Variants in UPK3A observed in about 807,000 individuals in gnomAD.
UPK3A encodes the protein uroplakin 3A.
In UPK3A, 32 loss-of-function variants were observed where a neutral mutation model predicts 27.6. That is an observed-to-expected ratio of 1.16 (90% CI 0.87 to 1.55). UPK3A has a LOEUF of 1.55. UPK3A is among the 40% of genes most tolerant of loss of function. UPK3A has a pLI of 0.00. For missense variants in UPK3A, 370 were observed against 367.9 expected (o/e 1.01, Z -0.05); for synonymous variants, 171 against 163.9 (o/e 1.04, Z -0.33).
In UPK3A at chr22:45,285,043, C is replaced by T. The variant is rs1370122817; in HGVS notation, c.30C>T (p.Leu10=). 4 of 1,535,814 alleles carry T rather than the reference C, an allele frequency of 2.6e-6. No individual in the cohort carries two copies. The highest frequency in any genetic ancestry group is 3.5e-6 in the Non-Finnish European group (4 of 1,147,856). The change falls in exon 1 of 6, where the codon CTC becomes CTT. Residue 10 remains leucine, a synonymous_variant. Transcript: ENST00000216211. MPPLWALLA[L]GCLRFGSAVN... ...CTCCGCTCTGGGCCCTGCTGGCCCT[C>T]GGCTGCCTGCGGTTCGGCTCGGGTA...
intron 1 of UPK3A, among the ~76,000 whole-genome samples, chr22:45,285,616 C>T (rs1381596721): frequency 1.2e-5 from 1 of 85,488 alleles, no homozygotes; most frequent in African/African-American, 3.1e-5. Context: ...GGCAGTCAGA[C>T]TTGCATGTGG....
At chr22:45,285,271 A>G (rs1325310636) in intron 1 of UPK3A, among the ~76,000 whole-genome samples, 1 of 152,236 alleles carries the variant, frequency 6.6e-6, no homozygotes, top group Non-Finnish European at 1.5e-5. Flanking sequence ...GTGTGTTGCA[A>G]GAGACCAACA....
At position 45,287,414 on chromosome 22, in the gene UPK3A, C is replaced by A; in HGVS notation, c.451C>A (p.Leu151Ile). The change falls in exon 3 of 6, where the codon CTC (leucine) becomes ATC (isoleucine). Residue 151 changes from leucine to isoleucine, a missense_variant. Leu to Ile is a conservative substitution (Grantham distance 5, BLOSUM62 2). Transcript: ENST00000216211. ...CCTGTGGGATCCCAACTTCCAGGGCCTCTGTAACGCACCCCTGTCGGCAGC... is the reference window on the plus strand; with the variant it reads ...CCTGTGGGATCCCAACTTCCAGGGCATCTGTAACGCACCCCTGTCGGCAGC... ...TCLWDPNFQG[L>I]CNAPLSAATE... 2 of 1,609,862 alleles carry A rather than the reference C, an allele frequency of 1.2e-6. No individual in the cohort carries two copies. Among genetic ancestry groups the A allele is most frequent in the Non-Finnish European group, 1.7e-6 (2 of 1,178,174 alleles).
intron 5 of UPK3A, among the ~76,000 whole-genome samples, chr22:45,294,419 C>CT (rs367678430): frequency 2.0e-5 from 3 of 151,826 alleles, no homozygotes; most frequent in African/African-American, 7.3e-5. Context: ...GTACACCCCC[C>CT]CCGGGAGACC....
chr22:45,285,215 C>A lies in UPK3A; in HGVS notation c.52+150C>A, dbSNP rs1033233918. ...GTGATAGCCAACGTTTACGGGCCTCCTCTGTTGGGAATCCGAGGGCTCACA... is the reference window on the plus strand; with the variant it reads ...GTGATAGCCAACGTTTACGGGCCTCATCTGTTGGGAATCCGAGGGCTCACA... On this transcript the variant is annotated intron_variant, in intron 1 of 5. Transcript: ENST00000216211. 3.0e-5 allele frequency: 22 copies of A among 742,612 alleles called. 1 individual carries two copies. Among genetic ancestry groups the A allele is most frequent in the African/African-American group, 2.8e-4 (15 of 54,538 alleles). 46.0% of individuals were successfully genotyped at this position (742,612 alleles called of 1,614,324 possible). A position where few individuals can be genotyped will look rare whatever the true frequency, so the allele number is the denominator to read the frequency against.
rs561440707 is a variant in UPK3A, at chr22:45,292,755, C to A, written c.572-426C>A. Among the ~76,000 whole-genome samples, 5 of 151,734 alleles carry A rather than the reference C, an allele frequency of 3.3e-5. No individual in the cohort carries two copies. The South Asian group carries it at 1.0e-3, about 32-fold the overall frequency. On this transcript the variant is annotated intron_variant, in intron 4 of 5. Coordinates refer to ENST00000216211, the MANE Select transcript of UPK3A (RefSeq NM_006953.4). ...CCCATCTCTACAAAAAAAAGTACAA[C>A]AAATTAGCTGGGCATGGTGGCGTGC...
At chr22:45,285,426 A>T (rs1439351028) in intron 1 of UPK3A, among the ~76,000 whole-genome samples, 1 of 152,154 alleles carries the variant, frequency 6.6e-6, no homozygotes, top group Non-Finnish European at 1.5e-5. Context: ...CTGTCCTGGG[A>T]ACTGCCAGTC....
In UPK3A at chr22:45,295,572, T is replaced by G. The variant is rs2084189269; in HGVS notation, c.717T>G (p.Ser239Arg). 6 of 1,613,714 alleles carry G rather than the reference T, an allele frequency of 3.7e-6. No homozygotes were observed. The highest frequency in any genetic ancestry group is 1.3e-5 in the African/African-American group (1 of 74,784). The change falls in exon 6 of 6, where the codon AGT becomes AGG. Residue 239 changes from serine to arginine, a missense_variant. Physicochemically the swap from Ser to Arg is moderately radical, Grantham distance 110. Transcript: ENST00000216211. The stretch of plus-strand genomic sequence containing the variant: ...TCCCCTTGGACAGGGACATGGGGAG[T>G]TCTGATGGGGAAACGACTCACGACT... Reference protein sequence around the residue: ...AIALSLVDMGSSDGETTHDSQ... With the variant: ...AIALSLVDMGRSDGETTHDSQ...
rs200727740 is a variant in UPK3A, at chr22:45,286,126, C to T, written c.208+30C>T. Reference sequence around the variant, plus strand: ...GGGTCCTGCTTCCCTCTGGCTACTCCAAAAGGGGCTCTGACCTGTCTGCAG... The same window carrying T: ...GGGTCCTGCTTCCCTCTGGCTACTCTAAAAGGGGCTCTGACCTGTCTGCAG... On this transcript the variant is annotated intron_variant, in intron 2 of 5. Coordinates refer to ENST00000216211, the MANE Select transcript of UPK3A (RefSeq NM_006953.4). The T allele has an allele frequency of 1.5e-5, 24 of 1,613,580 alleles. No individual in the cohort carries two copies. The East Asian group carries it at 4.7e-4, about 31-fold the overall frequency.
chr22:45,294,385 G>A lies in UPK3A; in HGVS notation c.704+1072G>A, dbSNP rs562477271. 1.1e-4 allele frequency among the ~76,000 whole-genome samples: 16 copies of A among 147,390 alleles called. No individual in the cohort carries two copies. The East Asian group carries it at 2.3e-3, about 21-fold the overall frequency. ...TGGGCTGTGGGCTCACCTGTCTTCC[G>A]CACCCCCATCCCTGCTAACCCTGGT... is the stretch of plus-strand genomic sequence containing the variant. On this transcript the variant is annotated intron_variant, in intron 5 of 5. Coordinates refer to ENST00000216211, the MANE Select transcript of UPK3A (RefSeq NM_006953.4).
chr22:45,285,287 G>T (rs576610362), intron 1 of UPK3A, among the ~76,000 whole-genome samples: 59 of 152,384 alleles, frequency 3.9e-4, no homozygotes, highest in East Asian at 2.1e-3. Context: ...CAACATGCAG[G>T]GGGGCTGCGG....
chr22:45,287,339 T>C lies in UPK3A; in HGVS notation c.376T>C (p.Ser126Pro). Residue 126 changes from serine to proline, a missense_variant, in exon 3 of 6, where the codon TCA becomes CCA. Coordinates refer to ENST00000216211, the MANE Select transcript of UPK3A (RefSeq NM_006953.4). ...LDAIGDVSKASQILNAYLVRV... is the reference protein window; with the variant it reads ...LDAIGDVSKAPQILNAYLVRV... The stretch of plus-strand genomic sequence containing the variant: ...TGCCATTGGGGATGTGTCCAAGGCC[T>C]CACAGATCCTGAATGCCTACCTGGT... 1 of 1,614,122 alleles carries C rather than the reference T, an allele frequency of 6.2e-7. No individual in the cohort carries two copies. The highest frequency in any genetic ancestry group is 8.5e-7 in the Non-Finnish European group (1 of 1,179,976).
intron 4 of UPK3A, among the ~76,000 whole-genome samples, 197 bp downstream of exon 4, chr22:45,289,340 C>G (rs1282431947): frequency 6.6e-6 from 1 of 152,120 alleles, no homozygotes; most frequent in Non-Finnish European, 1.5e-5. Context: ...CTTTGGGAGG[C>G]TGAGGCAGGT....
intron 2 of UPK3A, 59 bp downstream of exon 2, chr22:45,286,155 G>T (rs1372131361): frequency 6.2e-7 from 1 of 1,605,040 alleles, no homozygotes; most frequent in Non-Finnish European, 8.5e-7. Context: ...TCTGCAGGGA[G>T]GAGGGAAGGA....
intron 3 of UPK3A, among the ~76,000 whole-genome samples, chr22:45,288,156 C>G (rs1284938304): frequency 1.3e-5 from 2 of 151,950 alleles, no homozygotes; most frequent in East Asian, 3.9e-4. Context: ...CCAGCATGAA[C>G]AGAAACCCTA....
At position 45,295,775 on chromosome 22, in the gene UPK3A, T is replaced by C; in HGVS notation, c.*56T>C. The C allele has an allele frequency of 1.2e-6, 2 of 1,604,392 alleles. No homozygotes were observed. Among genetic ancestry groups the C allele is most frequent in the Admixed American group, 1.7e-5 (1 of 59,840 alleles). ...TCCTCTCTGGCCTTGCCCCAGGCCCTGCAGCGGTGGTTGTCACACCCTGAC... is the reference window on the plus strand; with the variant it reads ...TCCTCTCTGGCCTTGCCCCAGGCCCCGCAGCGGTGGTTGTCACACCCTGAC... On this transcript the variant is annotated 3_prime_UTR_variant, in exon 6 of 6. Transcript: ENST00000216211.
chr22:45,293,240 A>T lies in UPK3A; in HGVS notation c.631A>T (p.Ile211Phe). ...CCGGCGGAGCGGAGGCATGATCGTC[A>T]TCACTTCCATCCTGGGCTCCCTGCC... is the stretch of plus-strand genomic sequence containing the variant. ...PGRRSGGMIV[I>F]TSILGSLPFF... is the part of the protein sequence containing the mutation. Residue 211 changes from isoleucine (I) to phenylalanine (F), a missense_variant, in exon 5 of 6, where the codon ATC (isoleucine) becomes TTC (phenylalanine). Coordinates refer to ENST00000216211, the MANE Select transcript of UPK3A (RefSeq NM_006953.4). 2 of 1,614,154 alleles carry T rather than the reference A, an allele frequency of 1.2e-6. No individual in the cohort carries two copies. Among genetic ancestry groups the T allele is most frequent in the Non-Finnish European group, 1.7e-6 (2 of 1,180,042 alleles).
chr22:45,285,621 A>G (rs879477989), intron 1 of UPK3A, among the ~76,000 whole-genome samples: 1 of 72,596 alleles, frequency 1.4e-5, no homozygotes, highest in Non-Finnish European at 4.2e-5. Flanking sequence ...TCAGACTTGC[A>G]TGTGGGGGGA....
intron 4 of UPK3A, among the ~76,000 whole-genome samples, chr22:45,290,483 G>C (rs2084152760): frequency 6.6e-6 from 1 of 152,164 alleles, no homozygotes; most frequent in African/African-American, 2.4e-5. Context: ...ATGTGTGTGT[G>C]TTTGTGTTGC....
Sources: allele counts gnomAD v4.1 joint callset (sites outside exome capture counted in the v4.1 genomes callset), GRCh38; gene constraint gnomAD v4.1.1; transcripts MANE v1.5; gene names NCBI Gene and HGNC (gene_info 2026-07-23, HGNC 2026-07-21).